Variants in ERBB4 observed in about 807,000 individuals in gnomAD.
The protein encoded by ERBB4 is erb-b2 receptor tyrosine kinase 4.
Under a neutral mutation model 158.0 loss-of-function variants are expected in ERBB4, and 42 were observed. That is an observed-to-expected ratio of 0.27 (90% CI 0.21 to 0.34). ERBB4 has a LOEUF of 0.34. ERBB4 is among the 10% of genes least tolerant of loss of function. The pLI is 1.00. For synonymous variants in ERBB4, 583 were observed against 558.7 expected (o/e 1.04, Z -0.61); for missense variants, 1,333 against 1,624.1 (o/e 0.82, Z 3.08).
chr2:211,529,073 G>A (rs2371316), intron 20 of ERBB4, among the ~76,000 whole-genome samples: 1 of 149,796 alleles, frequency 6.7e-6, no homozygotes, highest in East Asian at 2.0e-4. Context: ...GGGTTTTTTT[G>A]AAACAATAAA....
In ERBB4 at chr2:211,830,481, A is replaced by C. The variant is rs371690980; in HGVS notation, c.422-42322T>G. Among the ~76,000 whole-genome samples the C allele has an allele frequency of 6.1e-4, 93 of 152,264 alleles. 2 individuals carry two copies. The South Asian group carries it at 0.018, about 30-fold the overall frequency. On this transcript the variant is annotated intron_variant, in intron 3 of 27. Transcript: ENST00000342788. Reference sequence around the variant, plus strand: ...TTTTACTCTTTTGACTTAAAGATACATTTAATTATTAGCCTTTAATTTGTT... The same window carrying C: ...TTTTACTCTTTTGACTTAAAGATACCTTTAATTATTAGCCTTTAATTTGTT...
At chr2:212,400,354 T>C (rs1179499887) in intron 1 of ERBB4, among the ~76,000 whole-genome samples, 1 of 151,990 alleles carries the variant, frequency 6.6e-6, no homozygotes, top group East Asian at 1.9e-4. Context: ...TGGGGAGACA[T>C]TTAGTAAGAA....
chr2:212,176,703 A>G (rs1186989385), intron 1 of ERBB4, among the ~76,000 whole-genome samples: 3 of 151,904 alleles, frequency 2.0e-5, no homozygotes, highest in Non-Finnish European at 4.4e-5. Flanking sequence ...GTAAAGCTCC[A>G]AGTCTGGAAT....
rs1331572867 is a variant in ERBB4, at chr2:211,861,327, G to GT, written c.422-73169dup. On this transcript the variant is annotated intron_variant, in intron 3 of 27. Transcript: ENST00000342788. ...AAATTCATGCCATCAGTCCAGGCGT[G>GT]TTTTTTTTTTTGTTTTTTTTTTGTT... 3.1e-3 allele frequency among the ~76,000 whole-genome samples: 317 copies of GT among 102,100 alleles called. 1 individual carries two copies. The highest frequency in any genetic ancestry group is 8.7e-3 in the African/African-American group (228 of 26,320). The allele number at this position is 102,100 out of a possible 152,430, so 67.0% of individuals were successfully genotyped here. A position where few individuals can be genotyped will look rare whatever the true frequency, so the allele number is the denominator to read the frequency against.
intron 1 of ERBB4, among the ~76,000 whole-genome samples, chr2:212,424,157 T>C (rs77719168): frequency 0.011 from 1,711 of 152,226 alleles, 30 homozygotes; most frequent in African/African-American, 0.039. Context: ...AGTTGATGTA[T>C]AGGATACATC....
chr2:212,440,372 T>C (rs142763915), intron 1 of ERBB4, among the ~76,000 whole-genome samples: 3,014 of 152,292 alleles, frequency 0.02, 95 homozygotes, highest in African/African-American at 0.069. Flanking sequence ...TGCTGGATGC[T>C]TCCTGCCCTC....
At chr2:212,193,344 T>G (rs1257534885) in intron 1 of ERBB4, among the ~76,000 whole-genome samples, 1 of 152,122 alleles carries the variant, frequency 6.6e-6, no homozygotes, top group Non-Finnish European at 1.5e-5. Context: ...GCTTTTCCAT[T>G]TGGGGAAATG....
chr2:211,937,133 T>G (rs1459206132), intron 3 of ERBB4, among the ~76,000 whole-genome samples: 1 of 152,164 alleles, frequency 6.6e-6, no homozygotes, highest in Non-Finnish European at 1.5e-5. Context: ...TTGTACAATC[T>G]TTTACATTTA....
intron 20 of ERBB4, among the ~76,000 whole-genome samples, chr2:211,473,466 T>C (rs1474226299): frequency 6.6e-6 from 1 of 152,054 alleles, no homozygotes. Flanking sequence ...CACAGGAAAA[T>C]AAATCTTCTT....
intron 16 of ERBB4, among the ~76,000 whole-genome samples, chr2:211,654,534 G>A (rs1263755942): frequency 1.3e-5 from 2 of 152,042 alleles, no homozygotes; most frequent in Non-Finnish European, 2.9e-5. Context: ...CTGGATTAAC[G>A]CCCTGTTGAT....
Position 211,702,129 on chromosome 2 carries a change from T to C in ERBB4, c.1327A>G (p.Thr443Ala). ...SLLILKQQGITSLQFQSLKEI... is the reference protein window; with the variant it reads ...SLLILKQQGIASLQFQSLKEI... The stretch of plus-strand genomic sequence containing the variant: ...TTCAGGGACTGGAACTGTAGAGAGG[T>C]GATGCCCTGTTGCTTGAGGATAAGC... The change falls in exon 12 of 28, where the codon ACC (threonine) becomes GCC (alanine). Residue 443 changes from threonine (T) to alanine (A), a missense_variant. By Grantham distance (58) the Thr-to-Ala change is moderately conservative. Coordinates refer to ENST00000342788, the MANE Select transcript of ERBB4 (RefSeq NM_005235.3). 2 of 1,614,010 alleles carry C rather than the reference T, an allele frequency of 1.2e-6. No homozygotes were observed. Among genetic ancestry groups the C allele is most frequent in the Non-Finnish European group, 1.7e-6 (2 of 1,179,996 alleles).
At chr2:211,713,362 T>A (rs1024793295) in intron 8 of ERBB4, among the ~76,000 whole-genome samples, 173 bp downstream of exon 8, 2 of 152,182 alleles carry the variant, frequency 1.3e-5, no homozygotes, top group African/African-American at 4.8e-5. Flanking sequence ...CTCAATAATA[T>A]ACAGTGCTAT....
intron 20 of ERBB4, among the ~76,000 whole-genome samples, chr2:211,478,470 A>G (rs9288432): frequency 0.02 from 3,003 of 152,274 alleles, 103 homozygotes; most frequent in African/African-American, 0.068. Flanking sequence ...CTGTCTCTTC[A>G]TAACATCCCT....
intron 1 of ERBB4, among the ~76,000 whole-genome samples, chr2:212,202,640 C>A (rs2082621377): frequency 6.6e-6 from 1 of 151,940 alleles, no homozygotes; most frequent in South Asian, 2.1e-4. Context: ...CACACATAGC[C>A]CAAAATATTT....
chr2:212,304,767 A>C (rs1296583804), intron 1 of ERBB4, among the ~76,000 whole-genome samples: 1 of 151,416 alleles, frequency 6.6e-6, no homozygotes, highest in Non-Finnish European at 1.5e-5. Context: ...AAAAAAGCTA[A>C]AGTTCTTTAG....
At chr2:211,626,134 G>C (rs888690526) in intron 17 of ERBB4, among the ~76,000 whole-genome samples, 2 of 152,088 alleles carry the variant, frequency 1.3e-5, no homozygotes, top group Non-Finnish European at 2.9e-5. Flanking sequence ...ACTTGAGAAA[G>C]GATGAAATGA....
At chr2:211,716,494 G>A (rs1452262533) in intron 7 of ERBB4, among the ~76,000 whole-genome samples, 1 of 151,176 alleles carries the variant, frequency 6.6e-6, no homozygotes, top group African/African-American at 2.4e-5. Context: ...GGCTAACACG[G>A]TGAAACCCCG....
intron 14 of ERBB4, among the ~76,000 whole-genome samples, chr2:211,671,299 A>G (rs2071828322): frequency 6.6e-6 from 1 of 152,158 alleles, no homozygotes; most frequent in African/African-American, 2.4e-5. Flanking sequence ...ATATTTAAAA[A>G]CCTAACAATA....
chr2:211,765,494 G>GA (rs968983728), intron 4 of ERBB4, among the ~76,000 whole-genome samples: 12 of 150,892 alleles, frequency 8.0e-5, no homozygotes, highest in East Asian at 5.8e-4. Flanking sequence ...TATCCCTCAG[G>GA]AAAAAAAAAT....
Sources: gnomAD v4.1 joint callset for allele counts (sites outside exome capture counted in the v4.1 genomes callset) on GRCh38, gnomAD v4.1.1 for gene constraint, MANE v1.5 for transcripts, NCBI Gene and HGNC (gene_info 2026-07-23, HGNC 2026-07-21) for gene names.